The following MSRA variants were observed in gnomAD, a reference collection of about 807,000 sequenced individuals.
MSRA encodes methionine sulfoxide reductase A, also known as mitochondrial peptide methionine sulfoxide reductase.
A neutral mutation model predicts 31.3 loss-of-function variants in MSRA; 54 were observed. The observed-to-expected ratio is 1.73, with a 90% CI of 1.39 to 2.17. The LOEUF is 2.17. Ranked by LOEUF, MSRA falls within the 30% of genes most tolerant of loss-of-function variation. The pLI is 0.00. For missense variants in MSRA, 507 were observed against 300.9 expected, an observed-to-expected ratio of 1.69 and a Z score of -5.07; for synonymous variants, 169 against 116.5, an observed-to-expected ratio of 1.45 and a Z score of -2.90.
At chr8:10,179,228 A>G (rs1045144842) in intron 1 of MSRA, among the ~76,000 whole-genome samples, 2 of 152,166 alleles carry the variant, frequency 1.3e-5, no homozygotes, top group Non-Finnish European at 2.9e-5. Flanking sequence ...TTTTTAACAT[A>G]TAGCAAAATT....
chr8:10,100,123 G>A (rs1161297583), intron 1 of MSRA, among the ~76,000 whole-genome samples: 2 of 152,166 alleles, frequency 1.3e-5, no homozygotes, highest in African/African-American at 2.4e-5. Flanking sequence ...GGGATCCTGG[G>A]TTAGACTGCA....
At chr8:10,070,593 C>G (rs550498143) in intron 1 of MSRA, among the ~76,000 whole-genome samples, 1 of 152,174 alleles carries the variant, frequency 6.6e-6, no homozygotes, top group African/African-American at 2.4e-5. Flanking sequence ...AGTCAATATA[C>G]AGAACAGTTC....
At chr8:10,176,492 G>A (rs938910524) in intron 1 of MSRA, among the ~76,000 whole-genome samples, 2 of 152,242 alleles carry the variant, frequency 1.3e-5, no homozygotes, top group South Asian at 4.1e-4. Context: ...ATGCATTCAA[G>A]TCAGGAGCTC....
At chr8:10,109,314 C>T (rs1800109923) in intron 1 of MSRA, among the ~76,000 whole-genome samples, 1 of 151,490 alleles carries the variant, frequency 6.6e-6, no homozygotes, top group African/African-American at 2.4e-5. Context: ...AGCACAAATG[C>T]TTTCTTTTTT....
chr8:10,126,869 A>G (rs1477127196), intron 1 of MSRA, among the ~76,000 whole-genome samples: 3 of 152,176 alleles, frequency 2.0e-5, no homozygotes, highest in Non-Finnish European at 2.9e-5. Context: ...GCAGTTCACA[A>G]TAGGGTTCGC....
chr8:10,055,060 C>T (rs1359132773), intron 1 of MSRA, among the ~76,000 whole-genome samples: 1 of 152,208 alleles, frequency 6.6e-6, no homozygotes, highest in East Asian at 1.9e-4. Context: ...CGCCGGGACC[C>T]AGGGCACCTG....
intron 3 of MSRA, among the ~76,000 whole-genome samples, chr8:10,264,837 G>C (rs909401344): frequency 6.6e-6 from 1 of 152,206 alleles, no homozygotes; most frequent in Non-Finnish European, 1.5e-5. Context: ...TAAACAGTTA[G>C]ATAGTCCCAC....
intron 1 of MSRA, among the ~76,000 whole-genome samples, chr8:10,129,273 G>A (rs749334472): frequency 1.1e-4 from 17 of 152,124 alleles, no homozygotes; most frequent in Admixed American, 7.9e-4. Flanking sequence ...GCATGGTATC[G>A]TAAAGGCAAG....
At chr8:10,247,082 G>A (rs1411384748) in intron 3 of MSRA, among the ~76,000 whole-genome samples, 1 of 152,174 alleles carries the variant, frequency 6.6e-6, no homozygotes, top group Non-Finnish European at 1.5e-5. Context: ...GTGATTCCTT[G>A]TTTGCTCGAA....
intron 1 of MSRA, among the ~76,000 whole-genome samples, chr8:10,203,435 T>G (rs1487958741): frequency 1.3e-5 from 2 of 152,232 alleles, no homozygotes; most frequent in African/African-American, 4.8e-5. Flanking sequence ...TAACAATGTT[T>G]TGACCAACAA....
intron 5 of MSRA, among the ~76,000 whole-genome samples, chr8:10,346,920 T>C (rs1803815286): frequency 6.6e-6 from 1 of 152,180 alleles, no homozygotes; most frequent in African/African-American, 2.4e-5. Flanking sequence ...GTTCTGTTTT[T>C]ATATAGTCAG....
intron 3 of MSRA, among the ~76,000 whole-genome samples, chr8:10,277,871 T>C (rs1799407843): frequency 6.6e-6 from 1 of 152,140 alleles, no homozygotes; most frequent in South Asian, 2.1e-4. Context: ...ATATCATAAA[T>C]ATATACAATT....
intron 5 of MSRA, among the ~76,000 whole-genome samples, chr8:10,351,531 C>T (rs1804148739): frequency 6.6e-6 from 1 of 152,162 alleles, no homozygotes; most frequent in Non-Finnish European, 1.5e-5. Context: ...GGATTATAGG[C>T]GTGAGCCACT....
chr8:10,335,250 GTTTTTTTTTTT>G (rs1170264568), intron 5 of MSRA, among the ~76,000 whole-genome samples: 1 of 79,884 alleles, frequency 1.3e-5, no homozygotes, highest in African/African-American at 5.4e-5. Flanking sequence ...TCCCAGCTCT[GTTTTTTTTTTT>G]TTTTTTTTTT....
At chr8:10,218,330 G>T (rs1810187706) in intron 2 of MSRA, among the ~76,000 whole-genome samples, 1 of 151,816 alleles carries the variant, frequency 6.6e-6, no homozygotes, top group African/African-American at 2.4e-5. Context: ...ATTTTTAGTA[G>T]GGATGGGGTT....
intron 1 of MSRA, among the ~76,000 whole-genome samples, chr8:10,169,789 T>A (rs1429067237): frequency 6.6e-6 from 1 of 152,166 alleles, no homozygotes; most frequent in Non-Finnish European, 1.5e-5. Context: ...CATTTGTTTT[T>A]AATAATTTTA....
intron 1 of MSRA, among the ~76,000 whole-genome samples, chr8:10,068,218 G>A (rs1272682548): frequency 6.6e-6 from 1 of 152,030 alleles, no homozygotes; most frequent in Non-Finnish European, 1.5e-5. Flanking sequence ...TGTATATTTT[G>A]GATATCCTTT....
chr8:10,109,616 A>G (rs1050088216), intron 1 of MSRA, among the ~76,000 whole-genome samples: 6 of 152,232 alleles, frequency 3.9e-5, no homozygotes, highest in Non-Finnish European at 5.9e-5. Flanking sequence ...TGCTGGAATT[A>G]TAGGTGTACG....
chr8:10,118,157 C>T (rs774168789), intron 1 of MSRA, among the ~76,000 whole-genome samples: 2 of 152,150 alleles, frequency 1.3e-5, no homozygotes, highest in Non-Finnish European at 2.9e-5. Context: ...TTTTCTGATT[C>T]CTCTTTCTCA....
Sources: allele counts gnomAD v4.1 joint callset (sites outside exome capture counted in the v4.1 genomes callset), GRCh38; gene constraint gnomAD v4.1.1; transcripts MANE v1.5; gene names NCBI Gene and HGNC (gene_info 2026-07-23, HGNC 2026-07-21).